Variants in PLCB1 observed in about 807,000 individuals in gnomAD.
PLCB1 encodes the protein 1-phosphatidylinositol 4,5-bisphosphate phosphodiesterase beta-1.
PLCB1 carries 46 observed loss-of-function variants against 161.8 expected under a neutral mutation model. That is an observed-to-expected ratio of 0.28 (90% CI 0.22 to 0.36). The LOEUF is 0.36. Ranked by LOEUF, PLCB1 falls within the 10% of genes least tolerant of loss-of-function variation. The pLI is 1.00. For synonymous variants in PLCB1, 517 were observed against 503.7 expected, an observed-to-expected ratio of 1.03 and a Z score of -0.35; for missense variants, 1,016 against 1,472.5, an observed-to-expected ratio of 0.69 and a Z score of 5.07.
intron 3 of PLCB1, among the ~76,000 whole-genome samples, chr20:8,484,857 T>A (rs1426697786): frequency 6.6e-6 from 1 of 152,152 alleles, no homozygotes; most frequent in Non-Finnish European, 1.5e-5. Context: ...AAATAGAAAC[T>A]CCAGGAGAGT....
chr20:8,721,235 G>C (rs1644903073), intron 14 of PLCB1, among the ~76,000 whole-genome samples: 2 of 152,198 alleles, frequency 1.3e-5, no homozygotes, highest in Admixed American at 1.3e-4. Flanking sequence ...GAGTAGGGCA[G>C]CTAACTTTCA....
intron 2 of PLCB1, among the ~76,000 whole-genome samples, chr20:8,323,394 T>G (rs997335426): frequency 1.3e-5 from 2 of 152,122 alleles, no homozygotes; most frequent in Admixed American, 6.6e-5. Flanking sequence ...TCTTTCCACG[T>G]CCCTCAGGAA....
chr20:8,740,518 G>A lies in PLCB1; in HGVS notation c.2413+70G>A, dbSNP rs1980822474. On this transcript the variant is annotated intron_variant, in intron 22 of 31. Transcript: ENST00000338037. The stretch of plus-strand genomic sequence containing the variant: ...CTGTCTGAGTCACCATATATTTTTG[G>A]GTTAGTGAAAGGAAAACTGAACCAA... The A allele has an allele frequency of 4.5e-6, 4 of 886,812 alleles. No homozygotes were observed. In the Admixed American group the frequency reaches 9.0e-5, roughly 20 times the overall value. 54.9% of individuals were successfully genotyped at this position (886,812 alleles called of 1,614,324 possible).
chr20:8,322,965 A>G (rs1453561174), intron 2 of PLCB1, among the ~76,000 whole-genome samples: 3 of 152,174 alleles, frequency 2.0e-5, no homozygotes, highest in Admixed American at 2.0e-4. Flanking sequence ...AATTGAAGAG[A>G]ACAGCTCTTG....
At chr20:8,294,652 AGAT>A (rs1983546470) in intron 2 of PLCB1, among the ~76,000 whole-genome samples, 1 of 150,672 alleles carries the variant, frequency 6.6e-6, no homozygotes, top group Admixed American at 6.6e-5. Context: ...ACTCCTGATA[AGAT>A]GGCCTTATCA....
At chr20:8,580,575 A>C (rs1043642678) in intron 3 of PLCB1, among the ~76,000 whole-genome samples, 1 of 149,680 alleles carries the variant, frequency 6.7e-6, no homozygotes, top group African/African-American at 2.4e-5. Flanking sequence ...GAATTTTTGC[A>C]GGGGAAGCAA....
rs1985923944 is a variant in PLCB1, at chr20:8,555,548, T to G, written c.247-72746T>G. Among the ~76,000 whole-genome samples, 3 of 152,088 alleles carry G rather than the reference T, an allele frequency of 2.0e-5. 1 individual carries two copies. Among genetic ancestry groups the G allele is most frequent in the Admixed American group, 2.0e-4 (3 of 15,246 alleles). On this transcript the variant is annotated intron_variant, in intron 3 of 31. Coordinates refer to ENST00000338037, the MANE Select transcript of PLCB1 (RefSeq NM_015192.4). ...AACACACTTTCTACTTCCTGTTTGG[T>G]CTTAAGTCTTCCCTGGAAAGGTCAT...
chr20:8,805,702 A>G (rs978991199), intron 31 of PLCB1, among the ~76,000 whole-genome samples: 1 of 152,236 alleles, frequency 6.6e-6, no homozygotes, highest in African/African-American at 2.4e-5. Flanking sequence ...AATGAACTTT[A>G]CTAAGGTCAG....
chr20:8,296,545 T>A (rs371578214), intron 2 of PLCB1, among the ~76,000 whole-genome samples: 1 of 152,196 alleles, frequency 6.6e-6, no homozygotes, highest in African/African-American at 2.4e-5. Flanking sequence ...ACTTTGTAGT[T>A]GTGAACAGTT....
intron 2 of PLCB1, among the ~76,000 whole-genome samples, chr20:8,342,025 C>G (rs1365319540): frequency 6.6e-6 from 1 of 151,932 alleles, no homozygotes; most frequent in Non-Finnish European, 1.5e-5. Context: ...AAGCTGTGTC[C>G]CCATGCTTTC....
chr20:8,350,213 G>A (rs1011660241), intron 2 of PLCB1, among the ~76,000 whole-genome samples: 10 of 152,166 alleles, frequency 6.6e-5, no homozygotes, highest in African/African-American at 2.4e-4. Context: ...GCATCCATTA[G>A]CTATTTTTTC....
chr20:8,790,037 A>G, intron 30 of PLCB1, 138 bp from the exon 31 acceptor site: 1 of 627,120 alleles, frequency 1.6e-6, no homozygotes, highest in Non-Finnish European at 2.8e-6. Context: ...AGTTTCCTAT[A>G]CTTGTAAGTG....
At chr20:8,388,061 T>C (rs1373923601) in intron 3 of PLCB1, among the ~76,000 whole-genome samples, 2 of 151,476 alleles carry the variant, frequency 1.3e-5, no homozygotes, top group Non-Finnish European at 2.9e-5. Flanking sequence ...ATTTCCTGGA[T>C]GCCTAAAAAA....
At chr20:8,759,554 G>A (rs918685912) in intron 24 of PLCB1, among the ~76,000 whole-genome samples, 7 of 152,166 alleles carry the variant, frequency 4.6e-5, no homozygotes, top group African/African-American at 1.7e-4. Flanking sequence ...AGGCTGGAGT[G>A]CAATGGTGTG....
intron 2 of PLCB1, among the ~76,000 whole-genome samples, chr20:8,261,748 A>G (rs1047312647): frequency 1.3e-5 from 2 of 152,204 alleles, no homozygotes; most frequent in Non-Finnish European, 2.9e-5. Context: ...TTGAAAGGAC[A>G]AAAACATAAT....
chr20:8,238,001 T>C (rs1980413149), intron 2 of PLCB1, among the ~76,000 whole-genome samples: 1 of 152,140 alleles, frequency 6.6e-6, no homozygotes, highest in South Asian at 2.1e-4. Context: ...TTGACTCTTT[T>C]CTAAGAATTT....
At position 8,647,928 on chromosome 20, in the gene PLCB1, C is replaced by A. The variant is rs1175470388; in HGVS notation, c.493C>A (p.Pro165Thr). ...TACTAAACTTAAGCTGCAAGTCACT[C>A]CAGAAGGGCGTATTCCTCTCAAAAA... The part of the protein sequence containing the change: ...AYTKLKLQVT[P>T]EGRIPLKNIY... Residue 165 changes from proline (P) to threonine (T), a missense_variant, in exon 6 of 32, where the codon CCA (proline) becomes ACA (threonine). This residue lies in a region of PLCB1 where 181 missense variants were observed against 236.7 expected (regional missense o/e 0.76). Transcript: ENST00000338037. 6.3e-7 allele frequency: 1 copy of A among 1,591,920 alleles called. No individual in the cohort carries two copies. Among genetic ancestry groups the A allele is most frequent in the Non-Finnish European group, 8.5e-7 (1 of 1,172,930 alleles).
chr20:8,330,187 C>T (rs556535088), intron 2 of PLCB1, among the ~76,000 whole-genome samples: 2 of 152,276 alleles, frequency 1.3e-5, no homozygotes, highest in South Asian at 4.1e-4. Flanking sequence ...AATTGCTTAT[C>T]ACGTGCCGGG....
chr20:8,878,605 T>G (rs1987861483), intron 31 of PLCB1, among the ~76,000 whole-genome samples: 1 of 152,226 alleles, frequency 6.6e-6, no homozygotes, highest in Non-Finnish European at 1.5e-5. Context: ...TAAGAATTTA[T>G]ATGCTAGCAA....
Sources: gnomAD v4.1 joint callset for allele counts (sites outside exome capture counted in the v4.1 genomes callset) on GRCh38, gnomAD v4.1.1 for gene constraint, gnomAD v4.1.1 regional missense constraint, MANE v1.5 for transcripts, NCBI Gene and HGNC (gene_info 2026-07-23, HGNC 2026-07-21) for gene names.